Variants in COL8A1 observed in about 807,000 individuals in gnomAD.
COL8A1 encodes the protein collagen type VIII alpha 1 chain, also known as collagen alpha-1(VIII) chain.
In COL8A1, 21 loss-of-function variants were observed where a neutral mutation model predicts 42.7. The observed-to-expected ratio is 0.49, with a 90% CI of 0.35 to 0.71. The LOEUF is 0.71. Ranked by LOEUF, COL8A1 falls within the 30% of genes least tolerant of loss-of-function variation. COL8A1 has a pLI of 0.01. For missense variants in COL8A1, 788 were observed against 962.4 expected (o/e 0.82, Z 2.40); for synonymous variants, 367 against 369.1 (o/e 0.99, Z 0.06).
chr3:99,715,962 G>A (rs757701066), intron 1 of COL8A1, among the ~76,000 whole-genome samples: 9 of 152,070 alleles, frequency 5.9e-5, no homozygotes, highest in East Asian at 1.9e-4. Context: ...AAGGTCTTAC[G>A]CCTTCACTCT....
intron 2 of COL8A1, among the ~76,000 whole-genome samples, chr3:99,771,777 G>GA (rs1489600579): frequency 6.6e-6 from 1 of 152,136 alleles, no homozygotes; most frequent in African/African-American, 2.4e-5. Flanking sequence ...GTTTTCAAGG[G>GA]ATCTTAGCTC....
intron 1 of COL8A1, among the ~76,000 whole-genome samples, chr3:99,659,335 C>T (rs1938129737): frequency 2.0e-5 from 3 of 152,204 alleles, no homozygotes; most frequent in Admixed American, 1.3e-4. Flanking sequence ...CTCACGGCTG[C>T]CTCCCCTTCC....
rs1942084834 is a variant in COL8A1 at position 99,795,427 on chromosome 3, T to C, written c.1526T>C (p.Ile509Thr). 5.2e-6 allele frequency: 8 copies of C among 1,524,386 alleles called. No individual in the cohort carries two copies. Among genetic ancestry groups the C allele is most frequent in the South Asian group, 1.2e-5 (1 of 82,188 alleles). 94.4% of individuals were successfully genotyped at this position (1,524,386 alleles called of 1,614,324 possible). Residue 509 changes from isoleucine (I) to threonine (T), a missense_variant, in exon 4 of 4, where the codon ATT becomes ACT. Ile to Thr is a moderately conservative substitution (Grantham distance 89). Transcript: ENST00000652472. The part of the protein sequence containing the change: ...IPGIGGPSGP[I>T]GPPGIPGPKG... ...GGGATTGGGGGCCCTAGTGGCCCCATTGGACCACCTGGGATTCCAGGCCCC... is the reference window on the plus strand; with the variant it reads ...GGGATTGGGGGCCCTAGTGGCCCCACTGGACCACCTGGGATTCCAGGCCCC...
At chr3:99,681,312 C>G (rs1938875200) in intron 1 of COL8A1, among the ~76,000 whole-genome samples, 1 of 152,036 alleles carries the variant, frequency 6.6e-6, no homozygotes, top group South Asian at 2.1e-4. Flanking sequence ...TCAAACAACC[C>G]CATCAAAAAG....
chr3:99,669,963 G>A (rs1938491382), intron 1 of COL8A1, among the ~76,000 whole-genome samples: 1 of 151,914 alleles, frequency 6.6e-6, no homozygotes, highest in African/African-American at 2.4e-5. Context: ...GTTTTCTAGA[G>A]CCTTCTTGAA....
chr3:99,651,960 T>C (rs188481837), intron 1 of COL8A1, among the ~76,000 whole-genome samples: 1 of 152,238 alleles, frequency 6.6e-6, no homozygotes, highest in African/African-American at 2.4e-5. Context: ...GAAATAATTA[T>C]GGGTGTGTAT....
At chr3:99,669,152 G>GTATATATATATATATAT (rs1559773196) in intron 1 of COL8A1, among the ~76,000 whole-genome samples, 1 of 42,486 alleles carries the variant, frequency 2.4e-5, no homozygotes, top group African/African-American at 7.5e-5. Context: ...TATATAGAGG[G>GTATATATATATATATAT]AGAGAGAGAG....
At chr3:99,782,688 G>A (rs761207600) in intron 2 of COL8A1, among the ~76,000 whole-genome samples, 17 of 152,214 alleles carry the variant, frequency 1.1e-4, no homozygotes, top group East Asian at 3.9e-4. Flanking sequence ...CACCGCACCC[G>A]GCCCCTGACA....
At chr3:99,681,068 C>T (rs1388517108) in intron 1 of COL8A1, among the ~76,000 whole-genome samples, 1 of 152,192 alleles carries the variant, frequency 6.6e-6, no homozygotes, top group Non-Finnish European at 1.5e-5. Context: ...CTATTCAGGA[C>T]ATAGGCATGG....
intron 2 of COL8A1, among the ~76,000 whole-genome samples, chr3:99,773,993 C>T (rs573226237): frequency 9.1e-4 from 136 of 149,508 alleles, no homozygotes; most frequent in African/African-American, 3.1e-3. Context: ...TACAGGCGCC[C>T]ACCACCACGC....
Position 99,795,862 on chromosome 3 carries a change from C to T in COL8A1, c.1961C>T (p.Thr654Ile). ...TACAACCCGCAGACAGGCATCTTCA[C>T]CTGTGAGGTCCCTGGTGTCTACTAC... Reference protein sequence around the residue: ...QNYNPQTGIFTCEVPGVYYFA... With the variant: ...QNYNPQTGIFICEVPGVYYFA... The change falls in exon 4 of 4, where the codon ACC becomes ATC. Residue 654 changes from threonine to isoleucine, a missense_variant. Thr to Ile is a moderately conservative substitution (Grantham distance 89, BLOSUM62 -1). Around this residue, in one of 4 missense-constraint regions of COL8A1, gnomAD observed 212 missense variants for 210.9 expected, o/e 1.00. Coordinates refer to ENST00000652472, the MANE Select transcript of COL8A1 (RefSeq NM_020351.4). 1 of 1,614,180 alleles carries T rather than the reference C, an allele frequency of 6.2e-7. No homozygotes were observed. The highest frequency in any genetic ancestry group is 8.5e-7 in the Non-Finnish European group (1 of 1,180,032).
chr3:99,761,082 A>G (rs1461967301), intron 2 of COL8A1, among the ~76,000 whole-genome samples: 2 of 152,246 alleles, frequency 1.3e-5, no homozygotes, highest in Non-Finnish European at 2.9e-5. Flanking sequence ...TTGCTCTCCC[A>G]ATAGACTTAC....
intron 1 of COL8A1, among the ~76,000 whole-genome samples, chr3:99,714,780 A>C (rs2107361528): frequency 6.6e-6 from 1 of 152,262 alleles, no homozygotes; most frequent in Admixed American, 6.6e-5. Context: ...ATATTGAATA[A>C]GAAAACAAAT....
chr3:99,699,867 A>G (rs1371267775), intron 1 of COL8A1, among the ~76,000 whole-genome samples: 1 of 152,114 alleles, frequency 6.6e-6, no homozygotes, highest in East Asian at 1.9e-4. Flanking sequence ...CGTCTTTTTT[A>G]ACATTTTAAG....
intron 1 of COL8A1, among the ~76,000 whole-genome samples, chr3:99,675,461 T>C (rs1347973221): frequency 2.6e-5 from 4 of 152,070 alleles, no homozygotes; most frequent in Non-Finnish European, 4.4e-5. Flanking sequence ...CTCTACTTCA[T>C]CTACTGGAAA....
At chr3:99,698,161 A>G (rs1472044240) in intron 1 of COL8A1, among the ~76,000 whole-genome samples, 3 of 152,108 alleles carry the variant, frequency 2.0e-5, no homozygotes, top group African/African-American at 7.2e-5. Context: ...ATTTTTTATG[A>G]CTGCATAGTA....
chr3:99,638,683 A>C lies in COL8A1; in HGVS notation c.-129+19A>C, dbSNP rs1937443249. 6.6e-6 allele frequency: 1 copy of C among 152,256 alleles called. No homozygotes were observed. The highest frequency in any genetic ancestry group is 6.5e-5 in the Admixed American group (1 of 15,282). The allele number at this position is 152,256 out of a possible 1,614,324, so 9.4% of individuals were successfully genotyped here. A position where few individuals can be genotyped will look rare whatever the true frequency, so the allele number is the denominator to read the frequency against. ...GCTCAAGGTAAGACAGCACTTCTGC[A>C]GGCAGCTCACCTACCAGGGGTTGCT... On this transcript the variant is annotated intron_variant, in intron 1 of 3. Coordinates refer to ENST00000652472, the MANE Select transcript of COL8A1 (RefSeq NM_020351.4).
chr3:99,682,649 A>C (rs781183509), intron 1 of COL8A1, among the ~76,000 whole-genome samples: 1 of 151,172 alleles, frequency 6.6e-6, no homozygotes, highest in Non-Finnish European at 1.5e-5. Context: ...TAAGTGGTTT[A>C]GAGTTGTAGA....
chr3:99,788,927 C>G (rs979234066), intron 2 of COL8A1, among the ~76,000 whole-genome samples: 2 of 152,140 alleles, frequency 1.3e-5, no homozygotes, highest in Non-Finnish European at 2.9e-5. Flanking sequence ...TCCTTTGCTA[C>G]TCAATAACAG....
Sources: allele counts gnomAD v4.1 joint callset (sites outside exome capture counted in the v4.1 genomes callset), GRCh38; gene constraint gnomAD v4.1.1; regional missense constraint gnomAD v4.1.1; transcripts MANE v1.5; gene names NCBI Gene and HGNC (gene_info 2026-07-23, HGNC 2026-07-21).